Variants in YBX1 observed in about 807,000 individuals in gnomAD.
The protein encoded by YBX1 is Y-box-binding protein 1.
Under a neutral mutation model 41.4 loss-of-function variants are expected in YBX1, and 3 were observed. The observed-to-expected ratio is 0.07, with a 90% CI of 0.03 to 0.19. YBX1 has a LOEUF of 0.19. YBX1 is among the 10% of genes least tolerant of loss of function. YBX1 has a pLI of 1.00. For synonymous variants in YBX1, 133 were observed against 165.8 expected (o/e 0.80, Z 1.52); for missense variants, 274 against 462.8 (o/e 0.59, Z 3.74).
chr1:42,687,054 A>T (rs1335320307), intron 2 of YBX1, among the ~76,000 whole-genome samples: 1 of 152,162 alleles, frequency 6.6e-6, no homozygotes, highest in Non-Finnish European at 1.5e-5. Flanking sequence ...TTGTCTGCTG[A>T]CTTGCTAGGT....
intron 2 of YBX1, among the ~76,000 whole-genome samples, chr1:42,690,767 T>A (rs1650310338): frequency 6.6e-6 from 1 of 152,240 alleles, no homozygotes; most frequent in African/African-American, 2.4e-5. Context: ...CCATTTAGAC[T>A]GGAAATTCTA....
In YBX1 at chr1:42,697,210, G is replaced by T. The variant is rs1018065106; in HGVS notation, c.688G>T (p.Gly230Cys). ...TGACAACCAGGGTGCAGGAGAACAA[G>T]GTAGACCAGTGAGGCAGAATATGTA... ...GADNQGAGEQ[G>C]RPVRQNMYRG... Residue 230 changes from glycine to cysteine, a missense_variant, in exon 6 of 8, where the codon GGT becomes TGT. Physicochemically the swap from Gly to Cys is radical, Grantham distance 159 (BLOSUM62 -3). Around this residue, in one of 3 missense-constraint regions of YBX1, gnomAD observed 187 missense variants for 306.3 expected, o/e 0.61. Transcript: ENST00000321358. The T allele has an allele frequency of 7.4e-6, 12 of 1,614,088 alleles. No individual in the cohort carries two copies. Among genetic ancestry groups the T allele is most frequent in the Non-Finnish European group, 1.0e-5 (12 of 1,180,018 alleles).
chr1:42,701,524 A>G (rs1031272159), intron 7 of YBX1, among the ~76,000 whole-genome samples: 2 of 149,686 alleles, frequency 1.3e-5, no homozygotes, highest in Non-Finnish European at 3.0e-5. Context: ...AATCATTTCT[A>G]ATTGTTTTTT....
At position 42,702,897 on chromosome 1, in the gene YBX1, C is replaced by T. The variant is rs999847142; in HGVS notation, c.*948C>T. Among the ~76,000 whole-genome samples the T allele has an allele frequency of 6.6e-6, 1 of 152,110 alleles. No individual in the cohort carries two copies. Among genetic ancestry groups the T allele is most frequent in the Admixed American group, 6.5e-5 (1 of 15,268 alleles). On this transcript the variant is annotated 3_prime_UTR_variant, in exon 8 of 8. Coordinates refer to ENST00000321358, the MANE Select transcript of YBX1 (RefSeq NM_004559.5). ...TTGGTGAGCTTGTAATTATGTGGTT[C>T]TCAACACCTTAAATCCTAAGCCTAG...
chr1:42,682,768 G>A (rs1650069293), intron 1 of YBX1, 37 bp downstream of exon 1: 3 of 1,178,608 alleles, frequency 2.5e-6, no homozygotes, highest in Admixed American at 4.5e-5. Context: ...GGGCCCTCGG[G>A]CAGCCCAGCA....
intron 2 of YBX1, among the ~76,000 whole-genome samples, chr1:42,689,796 A>G (rs572472957): frequency 1.3e-5 from 2 of 152,276 alleles, no homozygotes; most frequent in African/African-American, 4.8e-5. Flanking sequence ...TTGTTTTCCC[A>G]TTTTGAGTTG....
intron 2 of YBX1, among the ~76,000 whole-genome samples, chr1:42,691,440 C>T (rs535742791): frequency 6.6e-6 from 1 of 152,184 alleles, no homozygotes; most frequent in Non-Finnish European, 1.5e-5. Flanking sequence ...ACTGCACCCT[C>T]ATTTCCGGGA....
chr1:42,703,387 G>C lies in YBX1; in HGVS notation c.*1438G>C, dbSNP rs1650656514. ...CAGTAGGGGTCGGGAGTAGGCCAGA[G>C]TGGCACATCAGGAATCCTGCAGTGC... On this transcript the variant is annotated 3_prime_UTR_variant, in exon 8 of 8. Coordinates refer to ENST00000321358, the MANE Select transcript of YBX1 (RefSeq NM_004559.5). Among the ~76,000 whole-genome samples the C allele has an allele frequency of 6.6e-6, 1 of 152,114 alleles. No individual in the cohort carries two copies. The highest frequency in any genetic ancestry group is 2.4e-5 in the African/African-American group (1 of 41,408).
rs1650621917 is a variant in YBX1, at chr1:42,702,280, A to G, written c.*331A>G. On this transcript the variant is annotated 3_prime_UTR_variant, in exon 8 of 8. Coordinates refer to ENST00000321358, the MANE Select transcript of YBX1 (RefSeq NM_004559.5). ...AACTTCATTTTTAATTTGTAATAAA[A>G]GTTTACAACTTGATTTTTTCAAAAA... 6.5e-6 allele frequency: 1 copy of G among 152,674 alleles called. No homozygotes were observed. Among genetic ancestry groups the G allele is most frequent in the East Asian group, 1.9e-4 (1 of 5,204 alleles). The allele number at this position is 152,674 out of a possible 1,614,324, so 9.5% of individuals were successfully genotyped here.
chr1:42,698,961 C>T (rs985819364), intron 6 of YBX1, among the ~76,000 whole-genome samples: 2 of 152,018 alleles, frequency 1.3e-5, no homozygotes, highest in African/African-American at 2.4e-5. Context: ...GGTTCAAGAG[C>T]AAACTGAAAG....
rs1254476645 is a variant in YBX1 at position 42,682,479 on chromosome 1, C to T, written c.-87C>T. The T allele has an allele frequency of 3.7e-6, 5 of 1,339,812 alleles. No homozygotes were observed. Among genetic ancestry groups the T allele is most frequent in the Non-Finnish European group, 4.8e-6 (5 of 1,046,260 alleles). The allele number at this position is 1,339,812 out of a possible 1,614,324, so 83.0% of individuals were successfully genotyped here. ...CGGACCCCAGAGAGCCCTGAGCAGC[C>T]CCACCGCCGCCGCCGGCCTAGTTAC... On this transcript the variant is annotated 5_prime_UTR_variant, in exon 1 of 8. Transcript: ENST00000321358.
chr1:42,695,381 G>A (rs1230864482), intron 3 of YBX1, among the ~76,000 whole-genome samples: 2 of 152,214 alleles, frequency 1.3e-5, no homozygotes, highest in Non-Finnish European at 2.9e-5. Flanking sequence ...CTTACTAACT[G>A]TGTGACCTTG....
chr1:42,688,737 T>C (rs1184301653), intron 2 of YBX1, among the ~76,000 whole-genome samples: 5 of 152,166 alleles, frequency 3.3e-5, no homozygotes, highest in African/African-American at 1.2e-4. Context: ...GTCATGGCAT[T>C]GTAAGAAAAA....
At position 42,693,502 on chromosome 1, in the gene YBX1, G is replaced by C; in HGVS notation, c.243G>C (p.Lys81Asn). ...TTCTGTCTTGCAGGAATGACACCAA[G>C]GAAGATGTATTTGTACACCAGGTGA... ...GYGFINRNDT[K>N]EDVFVHQTAI... Residue 81 changes from lysine to asparagine, a missense_variant, in exon 3 of 8, where the codon AAG becomes AAC. This residue lies in a region of YBX1 where 84 missense variants were observed against 130.8 expected (regional missense o/e 0.64). Coordinates refer to ENST00000321358, the MANE Select transcript of YBX1 (RefSeq NM_004559.5). 6.2e-7 allele frequency: 1 copy of C among 1,613,572 alleles called. No individual in the cohort carries two copies. The highest frequency in any genetic ancestry group is 8.5e-7 in the Non-Finnish European group (1 of 1,179,728).
chr1:42,691,781 ATCTT>A (rs561997550), intron 2 of YBX1, among the ~76,000 whole-genome samples: 404 of 152,302 alleles, frequency 2.7e-3, no homozygotes, highest in Non-Finnish European at 3.6e-3. Flanking sequence ...TCTATACCAA[ATCTT>A]TACATAGTCT....
chr1:42,693,965 G>T (rs1165081313), intron 3 of YBX1, among the ~76,000 whole-genome samples: 1 of 151,880 alleles, frequency 6.6e-6, no homozygotes, highest in African/African-American at 2.4e-5. Flanking sequence ...AGTAATTGAA[G>T]TGAGTACTTG....
At chr1:42,691,862 T>C (rs1650346880) in intron 2 of YBX1, among the ~76,000 whole-genome samples, 1 of 149,534 alleles carries the variant, frequency 6.7e-6, no homozygotes, top group African/African-American at 2.4e-5. Context: ...AAAAAAATTT[T>C]ATTTTTTTAT....
chr1:42,682,595 GCCCGCCGCCCCCCCCGCCGCC>G lies in YBX1; in HGVS notation c.37_57del (p.Ala13_Ala19del), dbSNP rs1650060068. ...GCAGCGAGGCCGAGACCCAGCAGCC[GCCCGCCGCCCCCCCCGCCGCC>G]CCCGCCCTCAGCGCCGCCGACACCA... On this transcript the variant is annotated inframe_deletion, in exon 1 of 8. Transcript: ENST00000321358. 1 of 1,451,412 alleles carries G rather than the reference GCCCGCCGCCCCCCCCGCCGCC, an allele frequency of 6.9e-7. No homozygotes were observed. Among genetic ancestry groups the G allele is most frequent in the African/African-American group, 1.5e-5 (1 of 67,546 alleles). 89.9% of individuals were successfully genotyped at this position (1,451,412 alleles called of 1,614,324 possible). A position where few individuals can be genotyped will look rare whatever the true frequency, so the allele number is the denominator to read the frequency against.
chr1:42,699,577 A>G (rs1650543612), intron 6 of YBX1, among the ~76,000 whole-genome samples: 1 of 151,272 alleles, frequency 6.6e-6, no homozygotes, highest in South Asian at 2.1e-4. Flanking sequence ...GGTAGACTTT[A>G]TACTTGGATA....
Sources: allele counts gnomAD v4.1 joint callset (sites outside exome capture counted in the v4.1 genomes callset), GRCh38; gene constraint gnomAD v4.1.1; regional missense constraint gnomAD v4.1.1; transcripts MANE v1.5; gene names NCBI Gene and HGNC (gene_info 2026-07-23, HGNC 2026-07-21).